Variants in ZNF462 observed in about 807,000 individuals in gnomAD.
ZNF462 encodes the protein zinc finger PBX1-interacting protein.
ZNF462 carries 10 observed loss-of-function variants against 201.9 expected under a neutral mutation model. The observed-to-expected ratio is 0.05, with a 90% CI of 0.03 to 0.08. The LOEUF (loss-of-function observed/expected upper bound fraction) is 0.08, where lower values mean the gene tolerates loss of function less well. Among genes scored for constraint, ZNF462 ranks in the 10% least tolerant of loss-of-function variants. The pLI is 1.00. For synonymous variants in ZNF462, 1,227 were observed against 1,193.3 expected (o/e 1.03, Z -0.58); for missense variants, 2,523 against 3,168.3 (o/e 0.80, Z 4.89).
chr9:106,967,341 A>G (rs544432681), intron 7 of ZNF462, among the ~76,000 whole-genome samples: 2 of 152,046 alleles, frequency 1.3e-5, no homozygotes, highest in Non-Finnish European at 2.9e-5. Context: ...AACTGTGAAT[A>G]CTCAAGAAAG....
At position 106,925,390 on chromosome 9, in the gene ZNF462, C is replaced by A; in HGVS notation, c.1478C>A (p.Thr493Lys). The change falls in exon 3 of 13, where the codon ACG (threonine) becomes AAG (lysine). Residue 493 changes from threonine to lysine, a missense_variant. Thr to Lys is a moderately conservative substitution (Grantham distance 78, BLOSUM62 -1). This residue lies in a region of ZNF462 where 383 missense variants were observed against 453.4 expected (regional missense o/e 0.84). Coordinates refer to ENST00000277225, the MANE Select transcript of ZNF462 (RefSeq NM_021224.6). This position sits in a 1 kb window ranked among gnomAD's most constrained non-coding sequence, Gnocchi z 7.9. Reference protein sequence around the residue: ...LKLGAHKQCHTGTTSDWDAVN... With the variant: ...LKLGAHKQCHKGTTSDWDAVN... ...CTTGGGGCTCACAAACAGTGTCACA[C>A]GGGTACAACGTCAGATTGGGATGCT... 6.2e-7 allele frequency: 1 copy of A among 1,614,182 alleles called. No individual in the cohort carries two copies.
At chr9:106,868,582 T>G (rs935471256) in intron 1 of ZNF462, among the ~76,000 whole-genome samples, 3 of 152,188 alleles carry the variant, frequency 2.0e-5, no homozygotes, top group African/African-American at 7.2e-5. Flanking sequence ...AGGCAGAACT[T>G]CCAACTTAGA....
At position 106,969,082 on chromosome 9, in the gene ZNF462, C is replaced by T. The variant is rs542064530; in HGVS notation, c.6428-2923C>T. On this transcript the variant is annotated intron_variant, in intron 7 of 12. Coordinates refer to ENST00000277225, the MANE Select transcript of ZNF462 (RefSeq NM_021224.6). ...TTCACAAATTCCACGTGAGCGAGAG[C>T]GAAATTGAGAATGTTGGCAGCAGAA... Among the ~76,000 whole-genome samples, 23 of 152,142 alleles carry T rather than the reference C, an allele frequency of 1.5e-4. 1 individual carries two copies. The Middle Eastern group carries it at 0.024, about 157-fold the overall frequency.
Position 106,929,500 on chromosome 9 carries a change from G to A in ZNF462, c.5588G>A (p.Cys1863Tyr). Residue 1863 changes from cysteine to tyrosine, a missense_variant, in exon 3 of 13, where the codon TGC (cysteine) becomes TAC (tyrosine). Cys to Tyr is a radical substitution (Grantham distance 194, BLOSUM62 -2). Transcript: ENST00000277225. This position sits in a 1 kb window ranked among gnomAD's most constrained non-coding sequence, Gnocchi z 8.7. Reference protein sequence around the residue: ...KLSFSTAELLCMHYTDHHSRD... With the variant: ...KLSFSTAELLYMHYTDHHSRD... The stretch of plus-strand genomic sequence containing the variant: ...TCCTTTAGCACTGCAGAGCTGCTGT[G>A]CATGCATTACACTGACCACCACAGT... 3 of 1,614,122 alleles carry A rather than the reference G, an allele frequency of 1.9e-6. No individual in the cohort carries two copies. Among genetic ancestry groups the A allele is most frequent in the Non-Finnish European group, 2.5e-6 (3 of 1,180,034 alleles).
chr9:106,863,853 G>A (rs1157647058), intron 1 of ZNF462, among the ~76,000 whole-genome samples: 1 of 151,914 alleles, frequency 6.6e-6, no homozygotes, highest in Non-Finnish European at 1.5e-5. Flanking sequence ...GGAGACCTGA[G>A]CCGAGAGCCA....
At position 107,006,982 on chromosome 9, in the gene ZNF462, A is replaced by G. The variant is rs1398329807; in HGVS notation, c.7190-2563A>G. The stretch of plus-strand genomic sequence containing the variant: ...TCTTTTTTCTTTTTCAAACCATTTC[A>G]TGAGTATGTTCTTTACAATGATTTC... On this transcript the variant is annotated intron_variant, in intron 11 of 12. Transcript: ENST00000277225. This position sits in a 1 kb window ranked among gnomAD's most constrained non-coding sequence, Gnocchi z 4.3. Among the ~76,000 whole-genome samples the G allele has an allele frequency of 6.6e-6, 1 of 152,050 alleles. No individual in the cohort carries two copies. The highest frequency in any genetic ancestry group is 1.5e-5 in the Non-Finnish European group (1 of 68,024).
At chr9:106,990,706 A>G (rs1462739421) in intron 10 of ZNF462, among the ~76,000 whole-genome samples, 4 of 151,994 alleles carry the variant, frequency 2.6e-5, no homozygotes, top group African/African-American at 7.2e-5. Flanking sequence ...CTGCATGCCT[A>G]ATGATTCTCA....
chr9:106,896,024 T>C (rs994843878), intron 1 of ZNF462, among the ~76,000 whole-genome samples: 2 of 152,160 alleles, frequency 1.3e-5, no homozygotes, highest in African/African-American at 4.8e-5. Context: ...TTCCCAATGG[T>C]CTAATCATAA....
chr9:106,966,652 G>C lies in ZNF462; in HGVS notation c.6428-5353G>C, dbSNP rs1488003842. Among the ~76,000 whole-genome samples, 2 of 152,086 alleles carry C rather than the reference G, an allele frequency of 1.3e-5. No homozygotes were observed. Among genetic ancestry groups the C allele is most frequent in the Non-Finnish European group, 2.9e-5 (2 of 68,002 alleles). ...CTTTGTCTGAGAAAGTGAGTTGCTT[G>C]AGGTCAAGGCTCAAGTCTTACTGTC... On this transcript the variant is annotated intron_variant, in intron 7 of 12. Transcript: ENST00000277225. This position sits in a 1 kb window ranked among gnomAD's most constrained non-coding sequence, Gnocchi z 4.4.
chr9:106,948,502 C>T (rs759770666), intron 7 of ZNF462, among the ~76,000 whole-genome samples: 6 of 152,136 alleles, frequency 3.9e-5, no homozygotes, highest in Non-Finnish European at 7.4e-5. Context: ...AATACCAACT[C>T]GTGACTAACG....
chr9:106,981,895 A>C lies in ZNF462; in HGVS notation c.6833-2291A>C, dbSNP rs1827462823. Reference sequence around the variant, plus strand: ...CTTCTTCACCGTAGAGGTCAACGGAACCAAGGCAGGCAGGACAGGGCAAAG... The same window carrying C: ...CTTCTTCACCGTAGAGGTCAACGGACCCAAGGCAGGCAGGACAGGGCAAAG... On this transcript the variant is annotated intron_variant, in intron 9 of 12. Transcript: ENST00000277225. The surrounding 1 kb of genome is among the most constrained non-coding windows in gnomAD (Gnocchi z 4.0). Among the ~76,000 whole-genome samples, 1 of 152,220 alleles carries C rather than the reference A, an allele frequency of 6.6e-6. No individual in the cohort carries two copies. Among genetic ancestry groups the C allele is most frequent in the African/African-American group, 2.4e-5 (1 of 41,450 alleles).
intron 1 of ZNF462, among the ~76,000 whole-genome samples, chr9:106,879,580 G>C (rs1315455727): frequency 1.3e-5 from 2 of 152,110 alleles, no homozygotes; most frequent in Non-Finnish European, 2.9e-5. Flanking sequence ...CTTTGTGCTT[G>C]AGATGGAATC....
At chr9:106,983,569 A>T (rs1420219059) in intron 9 of ZNF462, among the ~76,000 whole-genome samples, 5 of 152,226 alleles carry the variant, frequency 3.3e-5, no homozygotes, top group Non-Finnish European at 7.3e-5. Context: ...GAAATAATAG[A>T]TTTACAGTTA....
At chr9:106,909,635 T>G (rs1829458434) in intron 1 of ZNF462, among the ~76,000 whole-genome samples, 2 of 152,214 alleles carry the variant, frequency 1.3e-5, no homozygotes, top group Admixed American at 6.5e-5. Context: ...AATTGAATAC[T>G]TCGGTATTGT....
In ZNF462 at chr9:106,926,579, G is replaced by T. The variant is rs760278954; in HGVS notation, c.2667G>T (p.Leu889=). 5 of 1,614,158 alleles carry T rather than the reference G, an allele frequency of 3.1e-6. No homozygotes were observed. In the East Asian group the frequency reaches 1.1e-4, roughly 36 times the overall value. ...ATCACAGTGCAGTGTACAGGTGCCT[G>T]GAATGCTACATCGATTACACCAACT... ...PNDHSAVYRC[L]ECYIDYTNFE... is the part of the protein sequence containing the mutation. The change falls in exon 3 of 13, where the codon CTG becomes CTT. Residue 889 remains leucine (L), a synonymous_variant. Coordinates refer to ENST00000277225, the MANE Select transcript of ZNF462 (RefSeq NM_021224.6). The surrounding 1 kb of genome is among the most constrained non-coding windows in gnomAD (Gnocchi z 7.9).
At position 106,925,994 on chromosome 9, in the gene ZNF462, C is replaced by A; in HGVS notation, c.2082C>A (p.Thr694=). 6.2e-7 allele frequency: 1 copy of A among 1,614,154 alleles called. No individual in the cohort carries two copies. The highest frequency in any genetic ancestry group is 8.5e-7 in the Non-Finnish European group (1 of 1,180,038). Reference sequence around the variant, plus strand: ...ATTTGTCACCCGTGAAGAAGAGAACCAGGATTGACGAGATAGCAAGCAACC... The same window carrying A: ...ATTTGTCACCCGTGAAGAAGAGAACAAGGATTGACGAGATAGCAAGCAACC... The part of the protein sequence containing the change: ...PLDLSPVKKR[T]RIDEIASNLQ... The change falls in exon 3 of 13, where the codon ACC becomes ACA. Residue 694 remains threonine, a synonymous_variant. Transcript: ENST00000277225. The surrounding 1 kb of genome is among the most constrained non-coding windows in gnomAD (Gnocchi z 7.9).
chr9:106,914,514 G>A (rs1197596435), intron 1 of ZNF462, among the ~76,000 whole-genome samples: 3 of 152,228 alleles, frequency 2.0e-5, no homozygotes, highest in Non-Finnish European at 4.4e-5. Context: ...AGGGTTAGTA[G>A]AGTCATCTAA....
rs1331782259 is a variant in ZNF462, at chr9:106,966,563, C to T, written c.6428-5442C>T. 6.6e-6 allele frequency among the ~76,000 whole-genome samples: 1 copy of T among 152,116 alleles called. No homozygotes were observed. Among genetic ancestry groups the T allele is most frequent in the Non-Finnish European group, 1.5e-5 (1 of 67,988 alleles). On this transcript the variant is annotated intron_variant, in intron 7 of 12. Transcript: ENST00000277225. The surrounding 1 kb of genome is among the most constrained non-coding windows in gnomAD (Gnocchi z 4.4). Reference sequence around the variant, plus strand: ...TGCTGATTTTTCCTTCCTTCCCCTGCCTGTTTATAAATACCTCTATTAAAA... The same window carrying T: ...TGCTGATTTTTCCTTCCTTCCCCTGTCTGTTTATAAATACCTCTATTAAAA...
rs1829454914 is a variant in ZNF462 at position 107,005,024 on chromosome 9, A to G, written c.7189+1598A>G. 2.0e-5 allele frequency among the ~76,000 whole-genome samples: 3 copies of G among 152,128 alleles called. No individual in the cohort carries two copies. The highest frequency in any genetic ancestry group is 2.1e-4 in the South Asian group (1 of 4,832). On this transcript the variant is annotated intron_variant, in intron 11 of 12. Coordinates refer to ENST00000277225, the MANE Select transcript of ZNF462 (RefSeq NM_021224.6). The surrounding 1 kb of genome is among the most constrained non-coding windows in gnomAD (Gnocchi z 4.4). ...AATGTAATGTTCTACAAGTTTATCT[A>G]TGTTGTCACAAATGACAGGATTTCA...
Sources: gnomAD v4.1 joint callset for allele counts (sites outside exome capture counted in the v4.1 genomes callset) on GRCh38, gnomAD v4.1.1 for gene constraint, gnomAD v4.1.1 regional missense constraint, Gnocchi (gnomAD v3.1) non-coding constraint, MANE v1.5 for transcripts, NCBI Gene and HGNC (gene_info 2026-07-23, HGNC 2026-07-21) for gene names.